RYR1: variants seen among roughly 807,000 people sequenced by gnomAD.
RYR1 encodes central core disease of muscle.
A neutral mutation model predicts 583.5 loss-of-function variants in RYR1; 342 were observed. That is an observed-to-expected ratio of 0.59 (90% CI 0.54 to 0.64). RYR1 has a LOEUF of 0.64. Ranked by LOEUF, RYR1 falls within the 30% of genes least tolerant of loss-of-function variation. The probability of loss-of-function intolerance (pLI) is 0.00; values close to 1 mark genes in which losing one functional copy is unlikely to be tolerated. For synonymous variants in RYR1, 2,791 were observed against 2,822.5 expected (o/e 0.99, Z 0.35); for missense variants, 6,032 against 6,917.2 (o/e 0.87, Z 4.54).
In RYR1 at chr19:38,502,800, GGGGC is replaced by G. The variant is rs1568506716; in HGVS notation, c.7835+74_7836-76del. The G allele has an allele frequency of 3.3e-4, 357 of 1,075,364 alleles. 10 individuals are homozygous for G. The highest frequency in any genetic ancestry group is 1.2e-3 in the Admixed American group (37 of 31,674). The allele number at this position is 1,075,364 out of a possible 1,614,324, so 66.6% of individuals were successfully genotyped here. ...AGGGGCAGGGGCAGGGGCAGGGGCA[GGGGC>G]AGGGGGAGGAGCAGGGGCAGGGGCA... On this transcript the variant is annotated intron_variant, in intron 48 of 105. Transcript: ENST00000359596.
intron 101 of RYR1, among the ~76,000 whole-genome samples, chr19:38,584,593 C>T (rs1599673112): frequency 1.6e-5 from 1 of 62,940 alleles, no homozygotes; most frequent in Non-Finnish European, 3.2e-5. Flanking sequence ...CTTATCCTGG[C>T]CCTGATTCCC....
At chr19:38,520,461 G>A (rs888021690) in intron 67 of RYR1, among the ~76,000 whole-genome samples, 7 of 150,970 alleles carry the variant, frequency 4.6e-5, no homozygotes, top group Non-Finnish European at 8.9e-5. Flanking sequence ...TTGGGAGGCC[G>A]AGGTGGGCAG....
chr19:38,444,492 C>T lies in RYR1; in HGVS notation c.538-92C>T, dbSNP rs761665355. ...ACTCTGTCTCCCATCTGCCGGTTTC[C>T]GGGTATCCACCCTTGATTTCTGGCC... On this transcript the variant is annotated intron_variant, in intron 6 of 105. Coordinates refer to ENST00000359596, the MANE Select transcript of RYR1 (RefSeq NM_000540.3). This position sits in a 1 kb window ranked among gnomAD's most constrained non-coding sequence, Gnocchi z 5.1. 4.2e-5 allele frequency: 48 copies of T among 1,142,734 alleles called. No individual in the cohort carries two copies. Among genetic ancestry groups the T allele is most frequent in the Non-Finnish European group, 6.0e-5 (46 of 772,900 alleles). 70.8% of individuals were successfully genotyped at this position (1,142,734 alleles called of 1,614,324 possible).
At position 38,486,172 on chromosome 19, in the gene RYR1, G is replaced by T. The variant is rs1969285557; in HGVS notation, c.5517G>T (p.Val1839=). The T allele has an allele frequency of 6.2e-7, 1 of 1,612,870 alleles. No homozygotes were observed. The change falls in exon 34 of 106, where the codon GTG becomes GTT. Residue 1839 remains valine (V), a synonymous_variant. Transcript: ENST00000359596. ...GGGGCTCCGTGGAGTTCCAGTTTGT[G>T]CCTGTGCTCAAGCTCGTGTCCACCC... ...PVGGSVEFQF[V]PVLKLVSTLL...
Position 38,502,663 on chromosome 19 carries a change from C to T in RYR1, c.7771C>T (p.Arg2591Trp), listed in dbSNP as rs193922822. Reference sequence around the variant, plus strand: ...GCTGCATACCGTGTACCGCCTGTCTCGGGGTCGTTCGCTCACCAAGGCGCA... The same window carrying T: ...GCTGCATACCGTGTACCGCCTGTCTTGGGGTCGTTCGCTCACCAAGGCGCA... ...SMLHTVYRLS[R>W]GRSLTKAQRD... Residue 2591 changes from arginine (R) to tryptophan (W), a missense_variant, in exon 48 of 106, where the codon CGG becomes TGG. By Grantham distance (101) the Arg-to-Trp change is moderately radical. Coordinates refer to ENST00000359596, the MANE Select transcript of RYR1 (RefSeq NM_000540.3). The T allele has an allele frequency of 9.9e-6, 16 of 1,611,120 alleles. No individual in the cohort carries two copies. The highest frequency in any genetic ancestry group is 1.2e-5 in the Non-Finnish European group (14 of 1,179,734).
intron 76 of RYR1, among the ~76,000 whole-genome samples, chr19:38,530,065 C>T (rs1971662294): frequency 6.6e-6 from 1 of 151,918 alleles, no homozygotes; most frequent in South Asian, 2.1e-4. Flanking sequence ...CTGCAACCTC[C>T]GCCTCCCAGG....
chr19:38,496,163 C>T lies in RYR1; in HGVS notation c.6549-52C>T. ...AACGCTGTCACAGTGGTGGCTATGG[C>T]CCTCTCCGGACCTGGGCCCCTGGTG... is the stretch of plus-strand genomic sequence containing the variant. On this transcript the variant is annotated intron_variant, in intron 39 of 105. Transcript: ENST00000359596. The surrounding 1 kb of genome is among the most constrained non-coding windows in gnomAD (Gnocchi z 4.8). The T allele has an allele frequency of 6.9e-7, 1 of 1,457,260 alleles. No homozygotes were observed. The highest frequency in any genetic ancestry group is 1.1e-5 in the South Asian group (1 of 87,728). 90.3% of individuals were successfully genotyped at this position (1,457,260 alleles called of 1,614,324 possible). A position where few individuals can be genotyped will look rare whatever the true frequency, so the allele number is the denominator to read the frequency against.
intron 20 of RYR1, among the ~76,000 whole-genome samples, chr19:38,461,953 G>A (rs1440577503): frequency 6.6e-6 from 1 of 151,960 alleles, no homozygotes; most frequent in Non-Finnish European, 1.5e-5. Flanking sequence ...TACTCAGGAG[G>A]CTGAGGCAGG....
At chr19:38,559,938 T>C (rs77645547) in intron 89 of RYR1, among the ~76,000 whole-genome samples, 2 of 152,068 alleles carry the variant, frequency 1.3e-5, no homozygotes, top group Non-Finnish European at 2.9e-5. Context: ...TTTTTTTTTT[T>C]TGAGTCACAT....
intron 101 of RYR1, among the ~76,000 whole-genome samples, chr19:38,582,161 G>A (rs907742232): frequency 3.3e-5 from 5 of 152,116 alleles, no homozygotes; most frequent in African/African-American, 1.2e-4. Context: ...ACTTTGGGGG[G>A]CTGAGGGGGG....
chr19:38,452,053 G>A (rs1190043410), intron 12 of RYR1, among the ~76,000 whole-genome samples, 168 bp downstream of exon 12: 1 of 144,466 alleles, frequency 6.9e-6, no homozygotes, highest in Non-Finnish European at 1.5e-5. Context: ...CTTTGGGAGG[G>A]CAAGGCATGA....
intron 84 of RYR1, among the ~76,000 whole-genome samples, chr19:38,542,672 C>T (rs1972249782): frequency 2.0e-5 from 3 of 151,794 alleles, no homozygotes; most frequent in African/African-American, 7.3e-5. Flanking sequence ...GCACATGCCA[C>T]CACACCTGGC....
Position 38,477,692 on chromosome 19 carries a change from C to T in RYR1, c.4294-18C>T, listed in dbSNP as rs761225066. The T allele has an allele frequency of 6.2e-7, 1 of 1,614,120 alleles. No homozygotes were observed. Among genetic ancestry groups the T allele is most frequent in the Admixed American group, 1.7e-5 (1 of 60,014 alleles). On this transcript the variant is annotated intron_variant, in intron 29 of 105. Coordinates refer to ENST00000359596, the MANE Select transcript of RYR1 (RefSeq NM_000540.3). ...TGACTTCCAGACTGACCACTAGTTC[C>T]CCTCCTTGTGTCACCAGTACTATTA...
In RYR1 at chr19:38,457,780, C is replaced by G. The variant is rs73044990; in HGVS notation, c.1925+150C>G. 0.14 allele frequency: 118,024 copies of G among 861,082 alleles called. 10,197 individuals are homozygous for G. Among genetic ancestry groups the G allele is most frequent in the Non-Finnish European group, 0.18 (94,426 of 525,684 alleles). 53.3% of individuals were successfully genotyped at this position (861,082 alleles called of 1,614,324 possible). A position where few individuals can be genotyped will look rare whatever the true frequency, so the allele number is the denominator to read the frequency against. On this transcript the variant is annotated intron_variant, in intron 17 of 105. Transcript: ENST00000359596. ...CACAGATGTCCACTGTGGCCCCACT[C>G]TCCCTTGGCATCCACTCCTCTTGTT...
intron 97 of RYR1, among the ~76,000 whole-genome samples, chr19:38,577,305 G>T (rs1387936774): frequency 6.6e-6 from 1 of 152,170 alleles, no homozygotes; most frequent in African/African-American, 2.4e-5. Context: ...GCAGTATCTG[G>T]CATATAGGAG....
rs1766025247 is a variant in RYR1, at chr19:38,537,102, C to T, written c.11608+335C>T. 3.0e-5 allele frequency: 14 copies of T among 460,058 alleles called. No homozygotes were observed. The Admixed American group carries it at 3.1e-4, about 10-fold the overall frequency. The allele number at this position is 460,058 out of a possible 1,614,324, so 28.5% of individuals were successfully genotyped here. ...GACTTCCAGACCCAGATTCGCAGTC[C>T]CGGTGTGGAGTGATCCCCACTCCCA... On this transcript the variant is annotated intron_variant, in intron 83 of 105. Coordinates refer to ENST00000359596, the MANE Select transcript of RYR1 (RefSeq NM_000540.3).
Position 38,561,538 on chromosome 19 carries a change from G to A in RYR1, c.12624+84G>A, listed in dbSNP as rs1973143471. 7.4e-7 allele frequency: 1 copy of A among 1,342,440 alleles called. No homozygotes were observed. Among genetic ancestry groups the A allele is most frequent in the African/African-American group, 1.4e-5 (1 of 69,984 alleles). 83.2% of individuals were successfully genotyped at this position (1,342,440 alleles called of 1,614,324 possible). Reference sequence around the variant, plus strand: ...CACTTCCTGCACCCTCAGACCCCACGGGGGCTGTGCGTGCCTCGCATATCT... The same window carrying A: ...CACTTCCTGCACCCTCAGACCCCACAGGGGCTGTGCGTGCCTCGCATATCT... On this transcript the variant is annotated intron_variant, in intron 90 of 105. Transcript: ENST00000359596. The surrounding 1 kb of genome is among the most constrained non-coding windows in gnomAD (Gnocchi z 4.8).
At chr19:38,526,798 C>T (rs1971485004) in intron 71 of RYR1, among the ~76,000 whole-genome samples, 195 bp from the exon 72 acceptor site, 1 of 152,150 alleles carries the variant, frequency 6.6e-6, no homozygotes. Flanking sequence ...CAAGGTGACT[C>T]TGTGACCCTC....
At chr19:38,461,738 AAAG>A (rs1293140448) in intron 20 of RYR1, among the ~76,000 whole-genome samples, 34 of 139,888 alleles carry the variant, frequency 2.4e-4, no homozygotes, top group East Asian at 7.0e-4. Flanking sequence ...AAAAAAAAAA[AAAG>A]AAAGGGAGAG....
Sources: allele counts gnomAD v4.1 joint callset (sites outside exome capture counted in the v4.1 genomes callset), GRCh38; gene constraint gnomAD v4.1.1; non-coding constraint Gnocchi (gnomAD v3.1); transcripts MANE v1.5; gene names NCBI Gene and HGNC (gene_info 2026-07-23, HGNC 2026-07-21).